RAB15: variants seen among roughly 807,000 people sequenced by gnomAD.
RAB15 encodes the protein RAB15, member RAS oncogene family, also known as ras-related protein Rab-15.
In RAB15, 13 loss-of-function variants were observed where a neutral mutation model predicts 31.8. That is an observed-to-expected ratio of 0.41 (90% CI 0.27 to 0.65). The LOEUF (loss-of-function observed/expected upper bound fraction) is 0.65, where lower values mean the gene tolerates loss of function less well. Ranked by LOEUF, RAB15 falls within the 30% of genes least tolerant of loss-of-function variation. The probability of loss-of-function intolerance (pLI) is 0.32; values close to 1 mark genes in which losing one functional copy is unlikely to be tolerated. For missense variants in RAB15, 220 were observed against 277.3 expected, an observed-to-expected ratio of 0.79 and a Z score of 1.47; for synonymous variants, 100 against 105.6, an observed-to-expected ratio of 0.95 and a Z score of 0.33.
rs117231762 is a variant in RAB15 at position 64,970,862 on chromosome 14, T to G, written c.124+1091A>C. Reference sequence around the variant, plus strand: ...CCTCCTGGCTGTATCTATCTGCTCCTACTTCTCTCTCAGCAAGGAATGTGT... The same window carrying G: ...CCTCCTGGCTGTATCTATCTGCTCCGACTTCTCTCTCAGCAAGGAATGTGT... On this transcript the variant is annotated intron_variant, in intron 1 of 6. Coordinates refer to ENST00000533601, the MANE Select transcript of RAB15 (RefSeq NM_001308154.2). The surrounding 1 kb of genome is among the most constrained non-coding windows in gnomAD (Gnocchi z 4.1). 9.9e-5 allele frequency among the ~76,000 whole-genome samples: 15 copies of G among 152,132 alleles called. 1 individual carries two copies. In the East Asian group the frequency reaches 2.9e-3, roughly 29 times the overall value.
intron 1 of RAB15, among the ~76,000 whole-genome samples, chr14:64,965,447 T>G (rs1382544254): frequency 6.6e-6 from 1 of 152,020 alleles, no homozygotes; most frequent in Non-Finnish European, 1.5e-5. Flanking sequence ...GCGACAGAGC[T>G]AGACTTCATC....
intron 1 of RAB15, among the ~76,000 whole-genome samples, chr14:64,964,855 G>A (rs899568980): frequency 5.9e-5 from 9 of 152,176 alleles, no homozygotes; most frequent in East Asian, 2.0e-4. Flanking sequence ...GATTACAGGC[G>A]TGAGCCACCG....
At chr14:64,963,036 C>G (rs1272421222) in intron 1 of RAB15, among the ~76,000 whole-genome samples, 1 of 151,888 alleles carries the variant, frequency 6.6e-6, no homozygotes, top group Admixed American at 6.6e-5. Context: ...TAAAGCCCAC[C>G]GTCCCTGTGT....
At position 64,952,428 on chromosome 14, in the gene RAB15, A is replaced by G. The variant is rs977651393; in HGVS notation, c.185+83T>C. The stretch of plus-strand genomic sequence containing the variant: ...CCAGTTATCCCAGGTGAAGCCTAGG[A>G]ATTTTACACATGGCAGGGGCAGCTA... On this transcript the variant is annotated intron_variant, in intron 2 of 6. Coordinates refer to ENST00000533601, the MANE Select transcript of RAB15 (RefSeq NM_001308154.2). The surrounding 1 kb of genome is among the most constrained non-coding windows in gnomAD (Gnocchi z 4.2). The G allele has an allele frequency of 5.7e-6, 6 of 1,047,864 alleles. No homozygotes were observed. Among genetic ancestry groups the G allele is most frequent in the African/African-American group, 1.6e-5 (1 of 62,350 alleles). The allele number at this position is 1,047,864 out of a possible 1,614,324, so 64.9% of individuals were successfully genotyped here. A position where few individuals can be genotyped will look rare whatever the true frequency, so the allele number is the denominator to read the frequency against.
chr14:64,953,927 C>T lies in RAB15; in HGVS notation c.125-1356G>A. 5.1e-6 allele frequency: 5 copies of T among 985,430 alleles called. No individual in the cohort carries two copies. The highest frequency in any genetic ancestry group is 6.0e-6 in the Non-Finnish European group (5 of 829,930). 61.0% of individuals were successfully genotyped at this position (985,430 alleles called of 1,614,324 possible). On this transcript the variant is annotated intron_variant, in intron 1 of 6. Coordinates refer to ENST00000533601, the MANE Select transcript of RAB15 (RefSeq NM_001308154.2). The surrounding 1 kb of genome is among the most constrained non-coding windows in gnomAD (Gnocchi z 4.6). Reference sequence around the variant, plus strand: ...GAAGGCCTGAAGGCACCAGCATCCCCATCACCACTGCCACTCCACCTCCGC... The same window carrying T: ...GAAGGCCTGAAGGCACCAGCATCCCTATCACCACTGCCACTCCACCTCCGC...
At chr14:64,956,472 G>C (rs1167116036) in intron 1 of RAB15, among the ~76,000 whole-genome samples, 1 of 152,026 alleles carries the variant, frequency 6.6e-6, no homozygotes, top group Non-Finnish European at 1.5e-5. Context: ...AAATTCTTGG[G>C]CCTTACCTCA....
rs981222957 is a variant in RAB15 at position 64,953,480 on chromosome 14, A to C, written c.125-909T>G. Among the ~76,000 whole-genome samples, 3 of 152,172 alleles carry C rather than the reference A, an allele frequency of 2.0e-5. No homozygotes were observed. Among genetic ancestry groups the C allele is most frequent in the African/African-American group, 7.2e-5 (3 of 41,450 alleles). On this transcript the variant is annotated intron_variant, in intron 1 of 6. Transcript: ENST00000533601. The surrounding 1 kb of genome is among the most constrained non-coding windows in gnomAD (Gnocchi z 4.6). ...TGAAGAGGCAGTGGCATGGCATGGCATGTCACTGCGGGAGGGAAAGGAAGC... is the reference window on the plus strand; with the variant it reads ...TGAAGAGGCAGTGGCATGGCATGGCCTGTCACTGCGGGAGGGAAAGGAAGC...
chr14:64,948,532 G>A lies in RAB15; in HGVS notation c.481-20C>T, dbSNP rs761790202. On this transcript the variant is annotated intron_variant, in intron 6 of 6. Transcript: ENST00000533601. This position sits in a 1 kb window ranked among gnomAD's most constrained non-coding sequence, Gnocchi z 7.0. ...GAATGACTGGAAACCAAAGGGCACAGGTTAGTCCAGTGTCTCCTCCTCTCC... is the reference window on the plus strand; with the variant it reads ...GAATGACTGGAAACCAAAGGGCACAAGTTAGTCCAGTGTCTCCTCCTCTCC... The A allele has an allele frequency of 6.2e-7, 1 of 1,602,538 alleles. No individual in the cohort carries two copies. The highest frequency in any genetic ancestry group is 1.7e-5 in the Admixed American group (1 of 59,080).
chr14:64,972,089 C>G lies in RAB15; in HGVS notation c.-13G>C. Reference sequence around the variant, plus strand: ...ACTGCTTCGCCATGACTGGGGCCAGCGGGGCCGGGAACTGCGGGCGGGCAG... The same window carrying G: ...ACTGCTTCGCCATGACTGGGGCCAGGGGGGCCGGGAACTGCGGGCGGGCAG... On this transcript the variant is annotated 5_prime_UTR_variant, in exon 1 of 7. Coordinates refer to ENST00000533601, the MANE Select transcript of RAB15 (RefSeq NM_001308154.2). This position sits in a 1 kb window ranked among gnomAD's most constrained non-coding sequence, Gnocchi z 6.3. 6.3e-7 allele frequency: 1 copy of G among 1,591,096 alleles called. No homozygotes were observed. The highest frequency in any genetic ancestry group is 1.4e-5 in the African/African-American group (1 of 73,554).
At chr14:64,969,860 C>G (rs1225883530) in intron 1 of RAB15, among the ~76,000 whole-genome samples, 1 of 151,990 alleles carries the variant, frequency 6.6e-6, no homozygotes, top group African/African-American at 2.4e-5. Flanking sequence ...GGGGAAGGGA[C>G]AAGGAGAAGG....
intron 1 of RAB15, among the ~76,000 whole-genome samples, chr14:64,961,864 G>C (rs1389158321): frequency 1.3e-5 from 2 of 150,574 alleles, no homozygotes; most frequent in Non-Finnish European, 2.9e-5. Context: ...GCAATGAGCT[G>C]AGATCACACC....
chr14:64,971,861 G>A lies in RAB15; in HGVS notation c.124+92C>T, dbSNP rs2140010030. On this transcript the variant is annotated intron_variant, in intron 1 of 6. Transcript: ENST00000533601. The surrounding 1 kb of genome is among the most constrained non-coding windows in gnomAD (Gnocchi z 4.1). ...CGGCGCCACCGCCTCCAGCCGGAGG[G>A]GCTGGCAATTCCTCCCCAGCTGGGG... is the stretch of plus-strand genomic sequence containing the variant. 7.9e-7 allele frequency: 1 copy of A among 1,258,880 alleles called. No homozygotes were observed. Among genetic ancestry groups the A allele is most frequent in the East Asian group, 2.7e-5 (1 of 36,796 alleles). 78.0% of individuals were successfully genotyped at this position (1,258,880 alleles called of 1,614,324 possible). A position where few individuals can be genotyped will look rare whatever the true frequency, so the allele number is the denominator to read the frequency against.
intron 1 of RAB15, among the ~76,000 whole-genome samples, chr14:64,960,840 G>C (rs773006119): frequency 6.6e-6 from 1 of 152,134 alleles, no homozygotes; most frequent in Non-Finnish European, 1.5e-5. Flanking sequence ...TGGCTGGAAT[G>C]TTTCAACAAA....
rs1886518054 is a variant in RAB15, at chr14:64,955,788, C to T, written c.125-3217G>A. Among the ~76,000 whole-genome samples, 1 of 152,250 alleles carries T rather than the reference C, an allele frequency of 6.6e-6. No individual in the cohort carries two copies. Among genetic ancestry groups the T allele is most frequent in the Non-Finnish European group, 1.5e-5 (1 of 68,050 alleles). On this transcript the variant is annotated intron_variant, in intron 1 of 6. Coordinates refer to ENST00000533601, the MANE Select transcript of RAB15 (RefSeq NM_001308154.2). The surrounding 1 kb of genome is among the most constrained non-coding windows in gnomAD (Gnocchi z 4.4). ...CGGTCATCAGCCCCACCTGGGTGCA[C>T]ACCCAGAGAGTCAGCCCTTTTTGTT...
At position 64,960,239 on chromosome 14, in the gene RAB15, A is replaced by T. The variant is rs373988627; in HGVS notation, c.125-7668T>A. Among the ~76,000 whole-genome samples, 27 of 152,340 alleles carry T rather than the reference A, an allele frequency of 1.8e-4. No homozygotes were observed. In the East Asian group the frequency reaches 3.7e-3, roughly 21 times the overall value. ...GCAGCAGGCGAGACACCCAGCACTC[A>T]CGTGACTCCTAAGCTAGCTCGCCTT... On this transcript the variant is annotated intron_variant, in intron 1 of 6. Coordinates refer to ENST00000533601, the MANE Select transcript of RAB15 (RefSeq NM_001308154.2).
chr14:64,965,232 T>C (rs571542515), intron 1 of RAB15, among the ~76,000 whole-genome samples: 7 of 151,818 alleles, frequency 4.6e-5, no homozygotes, highest in Non-Finnish European at 7.4e-5. Flanking sequence ...CCGAGGTGGG[T>C]GGATCAGCTG....
intron 1 of RAB15, among the ~76,000 whole-genome samples, chr14:64,956,894 A>G (rs1886603263): frequency 6.6e-6 from 1 of 151,770 alleles, no homozygotes; most frequent in African/African-American, 2.4e-5. Flanking sequence ...TCTGGCACTT[A>G]CTGTGTAACT....
chr14:64,951,592 T>A lies in RAB15; in HGVS notation c.246+11A>T. On this transcript the variant is annotated intron_variant, in intron 3 of 6. Transcript: ENST00000533601. This position sits in a 1 kb window ranked among gnomAD's most constrained non-coding sequence, Gnocchi z 7.2. ...GCTTCCCACTTTGAAACCCCCAATG[T>A]GGTGGCTTACCTGGGCCCGCCGATA... 6.2e-7 allele frequency: 1 copy of A among 1,613,776 alleles called. No individual in the cohort carries two copies. Among genetic ancestry groups the A allele is most frequent in the Non-Finnish European group, 8.5e-7 (1 of 1,179,656 alleles).
At position 64,953,814 on chromosome 14, in the gene RAB15, T is replaced by C. The variant is rs532225042; in HGVS notation, c.125-1243A>G. The C allele has an allele frequency of 1.9e-4, 189 of 985,340 alleles. 1 individual carries two copies. In the African/African-American group the frequency reaches 3.2e-3, roughly 17 times the overall value. 61.0% of individuals were successfully genotyped at this position (985,340 alleles called of 1,614,324 possible). ...TCTTTGTGTACTCCCTGGAGCAAGGTCAGGAGTGGGCATGATCAGCCACAG... is the reference window on the plus strand; with the variant it reads ...TCTTTGTGTACTCCCTGGAGCAAGGCCAGGAGTGGGCATGATCAGCCACAG... On this transcript the variant is annotated intron_variant, in intron 1 of 6. Transcript: ENST00000533601. This position sits in a 1 kb window ranked among gnomAD's most constrained non-coding sequence, Gnocchi z 4.6.
Sources: gnomAD v4.1 joint callset for allele counts (sites outside exome capture counted in the v4.1 genomes callset) on GRCh38, gnomAD v4.1.1 for gene constraint, Gnocchi (gnomAD v3.1) non-coding constraint, MANE v1.5 for transcripts, NCBI Gene and HGNC (gene_info 2026-07-23, HGNC 2026-07-21) for gene names.